CEP112: variants seen among roughly 807,000 people sequenced by gnomAD.
CEP112 encodes centrosomal protein 112.
A neutral mutation model predicts 153.0 loss-of-function variants in CEP112; 127 were observed. That is an observed-to-expected ratio of 0.83 (90% CI 0.72 to 0.96). The LOEUF is 0.96. Among genes scored for constraint, CEP112 ranks in the 40% least tolerant of loss-of-function variants. The pLI, the probability that CEP112 is intolerant of heterozygous loss-of-function variation, is 0.00. For synonymous variants in CEP112, 358 were observed against 374.4 expected (o/e 0.96, Z 0.51); for missense variants, 1,089 against 1,101.2 (o/e 0.99, Z 0.16).
chr17:65,659,763 C>T (rs564444720), intron 24 of CEP112, among the ~76,000 whole-genome samples: 1 of 152,142 alleles, frequency 6.6e-6, no homozygotes, highest in African/African-American at 2.4e-5. Context: ...ATACTTTTTA[C>T]ACGAGAAGTA....
chr17:65,640,137 CATAT>C (rs762352624), intron 25 of CEP112, among the ~76,000 whole-genome samples: 1 of 112,164 alleles, frequency 8.9e-6, no homozygotes, highest in Non-Finnish European at 1.6e-5. Context: ...TGCACCCGAC[CATAT>C]ATATATATAT....
At chr17:65,644,235 G>A in intron 24 of CEP112, 1 of 639,104 alleles carries the variant, frequency 1.6e-6, no homozygotes, top group Non-Finnish European at 2.8e-6. Flanking sequence ...ACTGGGGCAT[G>A]AACTGTTTCT....
chr17:65,807,263 G>A (rs2055662833), intron 21 of CEP112, among the ~76,000 whole-genome samples: 2 of 152,192 alleles, frequency 1.3e-5, no homozygotes, highest in Admixed American at 1.3e-4. Flanking sequence ...CATTCAGGAT[G>A]TGATTGGCTG....
chr17:66,009,778 C>T (rs1399056505), intron 16 of CEP112, among the ~76,000 whole-genome samples: 6 of 152,060 alleles, frequency 3.9e-5, no homozygotes, highest in East Asian at 1.9e-4. Flanking sequence ...GTTGAAGGTA[C>T]GCAGCCTTAT....
intron 12 of CEP112, among the ~76,000 whole-genome samples, chr17:66,040,365 A>G (rs1568419165): frequency 6.6e-6 from 1 of 152,122 alleles, no homozygotes; most frequent in Non-Finnish European, 1.5e-5. Flanking sequence ...GCCTATTCAA[A>G]TACATTGCTC....
intron 17 of CEP112, among the ~76,000 whole-genome samples, chr17:66,002,983 C>T (rs779303828): frequency 1.1e-4 from 16 of 152,288 alleles, no homozygotes; most frequent in Non-Finnish European, 1.5e-4. Context: ...CCAGATCTAA[C>T]GCTATTCTTA....
chr17:65,980,840 C>T (rs1048686529), intron 17 of CEP112, among the ~76,000 whole-genome samples: 6 of 152,112 alleles, frequency 3.9e-5, no homozygotes, highest in Non-Finnish European at 7.4e-5. Flanking sequence ...TGCAGTGGCA[C>T]GATCTCCACT....
At chr17:66,034,925 A>G (rs2065649242) in intron 12 of CEP112, among the ~76,000 whole-genome samples, 1 of 146,480 alleles carries the variant, frequency 6.8e-6, no homozygotes, top group Admixed American at 6.9e-5. Context: ...CAGTCTCCCA[A>G]GTAGCTGGGA....
chr17:66,146,600 A>G (rs951883553), intron 4 of CEP112, among the ~76,000 whole-genome samples: 2 of 152,124 alleles, frequency 1.3e-5, no homozygotes, highest in Non-Finnish European at 2.9e-5. Context: ...TTGTGCAATA[A>G]TCTCCACCAT....
At chr17:65,823,788 G>A (rs949514734) in intron 21 of CEP112, among the ~76,000 whole-genome samples, 3 of 151,938 alleles carry the variant, frequency 2.0e-5, no homozygotes, top group African/African-American at 7.2e-5. Context: ...GAAAATAGCA[G>A]TAAAAAATCA....
rs951076486 is a variant in CEP112 at position 65,834,960 on chromosome 17, A to G, written c.2394+16844T>C. Among the ~76,000 whole-genome samples the G allele has an allele frequency of 5.3e-5, 8 of 152,152 alleles. No homozygotes were observed. In the East Asian group the frequency reaches 1.5e-3, roughly 29 times the overall value. On this transcript the variant is annotated intron_variant, in intron 21 of 26. Transcript: ENST00000535342. Reference sequence around the variant, plus strand: ...TCAATCAGCTAAATGTTCACCAATGACAAACTGGATAAAGACAATGTGATA... The same window carrying G: ...TCAATCAGCTAAATGTTCACCAATGGCAAACTGGATAAAGACAATGTGATA...
intron 18 of CEP112, among the ~76,000 whole-genome samples, chr17:65,945,573 C>T (rs2061624807): frequency 6.6e-6 from 1 of 152,200 alleles, no homozygotes; most frequent in Non-Finnish European, 1.5e-5. Flanking sequence ...TAAGGCATTC[C>T]ATTGGATGTG....
At chr17:66,161,419 AT>A (rs1158694990) in intron 4 of CEP112, among the ~76,000 whole-genome samples, 1 of 152,176 alleles carries the variant, frequency 6.6e-6, no homozygotes, top group Non-Finnish European at 1.5e-5. Flanking sequence ...ATAGCAAAGA[AT>A]TGGAACCAAC....
intron 19 of CEP112, among the ~76,000 whole-genome samples, chr17:65,914,395 T>C (rs1030083428): frequency 5.9e-5 from 9 of 151,988 alleles, no homozygotes; most frequent in Admixed American, 3.3e-4. Flanking sequence ...ACTGTGTCTT[T>C]ACTTTCTTTT....
intron 18 of CEP112, among the ~76,000 whole-genome samples, chr17:65,929,215 C>A (rs2061038249): frequency 6.6e-6 from 1 of 152,142 alleles, no homozygotes; most frequent in Admixed American, 6.5e-5. Flanking sequence ...TTTATCTCAA[C>A]AAAGCTGTTA....
At chr17:65,846,693 C>G (rs942945910) in intron 21 of CEP112, among the ~76,000 whole-genome samples, 1 of 152,160 alleles carries the variant, frequency 6.6e-6, no homozygotes, top group African/African-American at 2.4e-5. Context: ...CTCAGCTTCC[C>G]GAGTAGCTGG....
intron 20 of CEP112, among the ~76,000 whole-genome samples, chr17:65,872,731 T>C (rs1302058014): frequency 6.6e-6 from 1 of 152,212 alleles, no homozygotes; most frequent in Admixed American, 6.5e-5. Flanking sequence ...CATTTTAAAA[T>C]AGCTTTGTGA....
chr17:65,970,308 C>G (rs2062638082), intron 17 of CEP112, among the ~76,000 whole-genome samples: 1 of 115,182 alleles, frequency 8.7e-6, no homozygotes, highest in Admixed American at 1.1e-4. Context: ...GCATGTGTAT[C>G]TCATATGTAA....
intron 19 of CEP112, among the ~76,000 whole-genome samples, chr17:65,917,706 A>G (rs2060544950): frequency 6.6e-6 from 1 of 151,798 alleles, no homozygotes; most frequent in Non-Finnish European, 1.5e-5. Flanking sequence ...TTCTTTTCTC[A>G]CGAGGCACAG....
Sources: allele counts gnomAD v4.1 joint callset (sites outside exome capture counted in the v4.1 genomes callset), GRCh38; gene constraint gnomAD v4.1.1; transcripts MANE v1.5; gene names NCBI Gene and HGNC (gene_info 2026-07-23, HGNC 2026-07-21).